MBTD1: variants seen among roughly 807,000 people sequenced by gnomAD.
MBTD1 encodes the protein mbt domain containing 1, also known as MBT domain-containing protein 1.
Under a neutral mutation model 87.8 loss-of-function variants are expected in MBTD1, and 24 were observed. The observed-to-expected ratio is 0.27, with a 90% CI of 0.20 to 0.38. The LOEUF (loss-of-function observed/expected upper bound fraction) is 0.38, where lower values mean the gene tolerates loss of function less well. MBTD1 is among the 10% of genes least tolerant of loss of function. MBTD1 has a pLI of 1.00. For missense variants in MBTD1, 436 were observed against 760.2 expected, an observed-to-expected ratio of 0.57 and a Z score of 5.02; for synonymous variants, 237 against 248.6, an observed-to-expected ratio of 0.95 and a Z score of 0.44.
At chr17:51,197,026 T>C (rs2051150381) in intron 12 of MBTD1, among the ~76,000 whole-genome samples, 2 of 93,250 alleles carry the variant, frequency 2.1e-5, no homozygotes, top group Admixed American at 1.1e-4. Context: ...TCTTTATCTA[T>C]TATTATATAT....
At chr17:51,254,324 T>C (rs2054958604) in intron 2 of MBTD1, among the ~76,000 whole-genome samples, 1 of 152,196 alleles carries the variant, frequency 6.6e-6, no homozygotes, top group Non-Finnish European at 1.5e-5. Flanking sequence ...CCTTCTTTCT[T>C]TCTAAGCTTA....
At chr17:51,189,612 T>C (rs911349857) in intron 16 of MBTD1, among the ~76,000 whole-genome samples, 1 of 152,214 alleles carries the variant, frequency 6.6e-6, no homozygotes, top group Admixed American at 6.5e-5. Flanking sequence ...ATTGTCTACA[T>C]AAAACTCACA....
intron 2 of MBTD1, among the ~76,000 whole-genome samples, chr17:51,257,580 A>AT (rs2055165926): frequency 6.6e-6 from 1 of 152,244 alleles, no homozygotes; most frequent in Non-Finnish European, 1.5e-5. Context: ...AGGTCAACAT[A>AT]TAACCAGCTT....
At chr17:51,190,956 T>C (rs1244584107) in intron 16 of MBTD1, among the ~76,000 whole-genome samples, 1 of 151,572 alleles carries the variant, frequency 6.6e-6, no homozygotes, top group Non-Finnish European at 1.5e-5. Flanking sequence ...TGGCAACACA[T>C]GCCTGTGGTC....
At chr17:51,245,791 T>A (rs1393999993) in intron 2 of MBTD1, among the ~76,000 whole-genome samples, 1 of 152,192 alleles carries the variant, frequency 6.6e-6, no homozygotes. Context: ...CAGAGCTAGA[T>A]ACCCCCTCAA....
intron 2 of MBTD1, among the ~76,000 whole-genome samples, chr17:51,225,831 T>C (rs1598381210): frequency 6.6e-6 from 1 of 151,180 alleles, no homozygotes; most frequent in African/African-American, 2.4e-5. Context: ...CAGGCTGGAG[T>C]GCAGTGGCAC....
At chr17:51,180,852 T>C (rs2050273432) in intron 16 of MBTD1, among the ~76,000 whole-genome samples, 158 bp from the exon 17 acceptor site, 1 of 152,166 alleles carries the variant, frequency 6.6e-6, no homozygotes, top group Non-Finnish European at 1.5e-5. Flanking sequence ...AGAAACATTC[T>C]GGAAAGGAAC....
At chr17:51,255,471 TAAAC>T (rs1336612187) in intron 2 of MBTD1, among the ~76,000 whole-genome samples, 1 of 152,152 alleles carries the variant, frequency 6.6e-6, no homozygotes, top group Non-Finnish European at 1.5e-5. Context: ...TGTTAATAAT[TAAAC>T]AAAGATGGGT....
intron 2 of MBTD1, chr17:51,256,340 CTT>C (rs1230183326): frequency 6.6e-6 from 1 of 152,174 alleles, no homozygotes; most frequent in Non-Finnish European, 1.5e-5. Flanking sequence ...AGCTTGCTGA[CTT>C]TGTCCAGAGC....
chr17:51,243,891 G>A (rs1459173625), intron 2 of MBTD1, among the ~76,000 whole-genome samples: 4 of 152,110 alleles, frequency 2.6e-5, no homozygotes, highest in Admixed American at 6.6e-5. Flanking sequence ...CTCATTTGAG[G>A]TTCATCTGAT....
intron 2 of MBTD1, among the ~76,000 whole-genome samples, chr17:51,243,902 G>A (rs760260620): frequency 6.6e-6 from 1 of 152,140 alleles, no homozygotes; most frequent in Non-Finnish European, 1.5e-5. Context: ...TTCATCTGAT[G>A]TGTCTGTGTC....
intron 15 of MBTD1, chr17:51,192,522 A>G (rs2050861915): frequency 1.5e-6 from 1 of 671,210 alleles, no homozygotes; most frequent in South Asian, 2.1e-5. Context: ...TTTTTAACTC[A>G]CTAAAATAGT....
intron 6 of MBTD1, 31 bp downstream of exon 6, chr17:51,217,303 T>C (rs1294758218): frequency 1.5e-6 from 2 of 1,323,584 alleles, no homozygotes; most frequent in Non-Finnish European, 2.1e-6. Flanking sequence ...GACTAAGTAC[T>C]TCAAAATAAG....
intron 2 of MBTD1, among the ~76,000 whole-genome samples, chr17:51,248,948 T>C (rs2054611116): frequency 6.6e-6 from 1 of 152,188 alleles, no homozygotes. Flanking sequence ...ATATTCTGTG[T>C]TTAAAAAGAA....
chr17:51,232,047 A>G (rs529797626), intron 2 of MBTD1, among the ~76,000 whole-genome samples: 2 of 152,144 alleles, frequency 1.3e-5, no homozygotes, highest in Admixed American at 1.3e-4. Flanking sequence ...TGAGTGAGAA[A>G]GAAGTTGATT....
chr17:51,222,452 T>A (rs911625848), intron 3 of MBTD1, among the ~76,000 whole-genome samples: 1 of 152,208 alleles, frequency 6.6e-6, no homozygotes, highest in South Asian at 2.1e-4. Context: ...TCACCCAGGC[T>A]GGAGTGCAGT....
intron 7 of MBTD1, among the ~76,000 whole-genome samples, chr17:51,204,514 T>TAC (rs2051698973): frequency 7.0e-6 from 1 of 143,320 alleles, no homozygotes. Flanking sequence ...TATATATATA[T>TAC]TTTATGAAGA....
At chr17:51,233,353 T>C (rs746921490) in intron 2 of MBTD1, among the ~76,000 whole-genome samples, 8 of 151,986 alleles carry the variant, frequency 5.3e-5, no homozygotes, top group Non-Finnish European at 1.0e-4. Flanking sequence ...GATGCATCTA[T>C]AGGAAACAGA....
intron 5 of MBTD1, among the ~76,000 whole-genome samples, chr17:51,217,815 G>C (rs1325300960): frequency 2.0e-5 from 3 of 152,044 alleles, no homozygotes; most frequent in African/African-American, 7.2e-5. Context: ...CACCATATTG[G>C]CCAGGCTGGT....
Sources: allele counts gnomAD v4.1 joint callset (sites outside exome capture counted in the v4.1 genomes callset), GRCh38; gene constraint gnomAD v4.1.1; transcripts MANE v1.5; gene names NCBI Gene and HGNC (gene_info 2026-07-23, HGNC 2026-07-21).